PTK2: variants seen among roughly 807,000 people sequenced by gnomAD.
PTK2 encodes the protein protein tyrosine kinase 2.
In PTK2, 45 loss-of-function variants were observed where a neutral mutation model predicts 150.1. The observed-to-expected ratio is 0.30, with a 90% CI of 0.24 to 0.38. PTK2 has a LOEUF of 0.38. Among genes scored for constraint, PTK2 ranks in the 10% least tolerant of loss-of-function variants. PTK2 has a pLI of 1.00. For synonymous variants in PTK2, 432 were observed against 449.2 expected (o/e 0.96, Z 0.48); for missense variants, 919 against 1,307.3 (o/e 0.70, Z 4.58).
chr8:140,786,060 T>C (rs1407069159), intron 14 of PTK2, among the ~76,000 whole-genome samples: 2 of 152,190 alleles, frequency 1.3e-5, no homozygotes, highest in Non-Finnish European at 2.9e-5. Flanking sequence ...CTTTGTTTTC[T>C]AGCAGACTCC....
chr8:140,831,194 T>G (rs1029138395), intron 7 of PTK2, among the ~76,000 whole-genome samples: 2 of 152,216 alleles, frequency 1.3e-5, no homozygotes, highest in Non-Finnish European at 2.9e-5. Context: ...CTCAACGCTC[T>G]GGCCAAGAAA....
At chr8:140,747,793 G>GGGA (rs1026925052) in intron 17 of PTK2, among the ~76,000 whole-genome samples, 21 of 144,924 alleles carry the variant, frequency 1.4e-4, no homozygotes, top group Middle Eastern at 4.0e-3. Flanking sequence ...GGGGGAGGAA[G>GGGA]GGAGGAGGAG....
intron 27 of PTK2, among the ~76,000 whole-genome samples, chr8:140,684,426 G>T (rs1252848484): frequency 6.6e-6 from 1 of 152,262 alleles, no homozygotes; most frequent in Non-Finnish European, 1.5e-5. Context: ...ACCTCCTGCT[G>T]TGTGGCCCAG....
intron 1 of PTK2, among the ~76,000 whole-genome samples, chr8:140,952,876 C>A (rs1215676366): frequency 6.6e-6 from 1 of 152,138 alleles, no homozygotes; most frequent in Non-Finnish European, 1.5e-5. Context: ...TGACAAATTA[C>A]AAGTAATATA....
chr8:140,899,140 T>C (rs1041052452), intron 2 of PTK2, among the ~76,000 whole-genome samples: 14 of 152,210 alleles, frequency 9.2e-5, no homozygotes, highest in African/African-American at 2.4e-4. Context: ...ATGTTTAATA[T>C]GCCCTTTTTC....
intron 14 of PTK2, among the ~76,000 whole-genome samples, chr8:140,774,426 A>G (rs1306158450): frequency 1.3e-5 from 2 of 152,214 alleles, no homozygotes; most frequent in East Asian, 1.9e-4. Context: ...TAAGACTCCT[A>G]TGGAAGATGG....
At chr8:140,832,937 C>T (rs1156506068) in intron 7 of PTK2, 1 of 518,986 alleles carries the variant, frequency 1.9e-6, no homozygotes, top group Non-Finnish European at 3.8e-6. Flanking sequence ...CAGGGAATAT[C>T]CTCTCCGCCA....
chr8:140,704,643 G>A (rs906473180), intron 24 of PTK2, among the ~76,000 whole-genome samples: 2 of 152,034 alleles, frequency 1.3e-5, no homozygotes, highest in African/African-American at 4.8e-5. Flanking sequence ...GCACAGACTC[G>A]GGCTGTTCCC....
intron 31 of PTK2, among the ~76,000 whole-genome samples, chr8:140,660,351 C>T (rs1198575046): frequency 6.6e-6 from 1 of 152,208 alleles, no homozygotes; most frequent in East Asian, 1.9e-4. Context: ...ACAAAAGCCT[C>T]AGTTCTGACT....
At chr8:140,871,070 G>A (rs2100142210) in intron 4 of PTK2, among the ~76,000 whole-genome samples, 1 of 152,076 alleles carries the variant, frequency 6.6e-6, no homozygotes, top group African/African-American at 2.4e-5. Context: ...TGTTAATCCT[G>A]ATTAAAATTA....
intron 23 of PTK2, among the ~76,000 whole-genome samples, chr8:140,716,493 C>T (rs977688984): frequency 6.6e-6 from 1 of 152,176 alleles, no homozygotes; most frequent in South Asian, 2.1e-4. Flanking sequence ...CTCTGGGCCT[C>T]GGTCCTTCTC....
rs143886930 is a variant in PTK2, at chr8:140,696,017, A to C, written c.2499+4874T>G. Among the ~76,000 whole-genome samples the C allele has an allele frequency of 3.4e-3, 512 of 152,320 alleles. 4 individuals carry two copies. The highest frequency in any genetic ancestry group is 0.012 in the African/African-American group (498 of 41,566). On this transcript the variant is annotated intron_variant, in intron 26 of 31. Transcript: ENST00000522684. Reference sequence around the variant, plus strand: ...ATTTAGATGAAAAACAGTGACACCAATGCTATGATTCCTGTCCGGGACTCC... The same window carrying C: ...ATTTAGATGAAAAACAGTGACACCACTGCTATGATTCCTGTCCGGGACTCC...
intron 18 of PTK2, 21 bp from the exon 22 acceptor site, chr8:140,744,788 A>G: frequency 8.2e-7 from 1 of 1,213,632 alleles, no homozygotes; most frequent in Non-Finnish European, 1.2e-6. Context: ...AATGACCAAA[A>G]GAAAAAAAAA....
intron 4 of PTK2, among the ~76,000 whole-genome samples, chr8:140,876,310 CCT>C (rs2100145485): frequency 6.6e-6 from 1 of 152,090 alleles, no homozygotes; most frequent in African/African-American, 2.4e-5. Flanking sequence ...TTTATCTCAC[CCT>C]GTTCTTGAAT....
At chr8:140,951,451 A>T (rs2154609109) in intron 1 of PTK2, among the ~76,000 whole-genome samples, 1 of 152,312 alleles carries the variant, frequency 6.6e-6, no homozygotes, top group East Asian at 1.9e-4. Flanking sequence ...ACACATATGG[A>T]CTGACCATCT....
intron 29 of PTK2, chr8:140,672,160 T>C (rs1407095636): frequency 4.4e-6 from 2 of 454,298 alleles, no homozygotes; most frequent in Non-Finnish European, 8.8e-6. Context: ...TCTTTTGGCT[T>C]ATGAAAATAA....
chr8:141,000,937 C>T (rs1230787759), intron 1 of PTK2, 188 bp downstream of exon 1: 1 of 151,976 alleles, frequency 6.6e-6, no homozygotes, highest in Admixed American at 6.6e-5. Flanking sequence ...CCACCGGCCT[C>T]CCCTCCTCCC....
chr8:140,999,859 T>A (rs991939791), intron 1 of PTK2, among the ~76,000 whole-genome samples: 1 of 152,078 alleles, frequency 6.6e-6, no homozygotes, highest in Non-Finnish European at 1.5e-5. Context: ...AAGTCTTAAA[T>A]ACAAATCCCC....
At chr8:140,980,708 C>G (rs560415191) in intron 1 of PTK2, among the ~76,000 whole-genome samples, 3 of 151,574 alleles carry the variant, frequency 2.0e-5, no homozygotes, top group South Asian at 4.2e-4. Context: ...AGTCGCCTGC[C>G]TGGGACTCTT....
Sources: allele counts gnomAD v4.1 joint callset (sites outside exome capture counted in the v4.1 genomes callset), GRCh38; gene constraint gnomAD v4.1.1; transcripts MANE v1.5; gene names NCBI Gene and HGNC (gene_info 2026-07-23, HGNC 2026-07-21).